The following ZNF469 variants were observed in gnomAD, a reference collection of about 807,000 sequenced individuals.
ZNF469 encodes the protein zinc finger protein 469.
In ZNF469, 1 loss-of-function variant was observed where a neutral mutation model predicts 1.0. The observed-to-expected ratio is 1.00, with a 90% CI of 0.35 to 4.73. ZNF469 has a LOEUF of 4.73. Among genes scored for constraint, ZNF469 ranks in the 30% most tolerant of loss-of-function variants. The pLI, the probability that ZNF469 is intolerant of heterozygous loss-of-function variation, is 0.16. For missense variants in ZNF469, 6,100 were observed against 5,356.3 expected (o/e 1.14, Z -4.33); for synonymous variants, 2,703 against 2,363.4 (o/e 1.14, Z -4.17).
the ZNF469 span, among the ~76,000 whole-genome samples, chr16:88,221,829 GCTTGTGGACA>G: frequency 6.6e-6 from 1 of 152,144 alleles, no homozygotes; most frequent in African/African-American, 2.4e-5. Context: ...ACTCTTCTCT[GCTTGTGGACA>G]CTTCAGTCCA....
At chr16:88,128,041 G>A in the ZNF469 span, among the ~76,000 whole-genome samples, 27,859 of 152,140 alleles carry the variant, frequency 0.18, 3,203 homozygotes, top group African/African-American at 0.33. Context: ...GGCTGTGCCC[G>A]TTTAGGTCTC....
chr16:88,411,353 G>A (rs974132936), intron 1 of ZNF469, among the ~76,000 whole-genome samples: 4 of 152,300 alleles, frequency 2.6e-5, no homozygotes, highest in South Asian at 4.1e-4. Context: ...CAGCCCCGGC[G>A]GGTGGTCCAG....
the ZNF469 span, among the ~76,000 whole-genome samples, chr16:88,107,572 C>T: frequency 2.7e-4 from 41 of 152,340 alleles, no homozygotes; most frequent in African/African-American, 8.7e-4. Context: ...CTGACCATGC[C>T]ACTGCCGTGC....
At chr16:88,242,997 G>A in the ZNF469 span, among the ~76,000 whole-genome samples, 3 of 152,242 alleles carry the variant, frequency 2.0e-5, no homozygotes, top group South Asian at 6.2e-4. Flanking sequence ...GGGAGACACT[G>A]ATGCGGTGGG....
chr16:88,110,876 C>G, the ZNF469 span, among the ~76,000 whole-genome samples: 1 of 152,252 alleles, frequency 6.6e-6, no homozygotes, highest in Admixed American at 6.5e-5. Flanking sequence ...AATGCGTCTG[C>G]AGCCGGGCTC....
the ZNF469 span, among the ~76,000 whole-genome samples, chr16:88,171,009 G>T: frequency 6.6e-6 from 1 of 152,086 alleles, no homozygotes; most frequent in Admixed American, 6.5e-5. Context: ...CTCACCCTAG[G>T]ACAACCTCTA....
the ZNF469 span, among the ~76,000 whole-genome samples, chr16:88,303,015 G>A: frequency 6.6e-6 from 1 of 152,230 alleles, no homozygotes; most frequent in African/African-American, 2.4e-5. Flanking sequence ...CCGGGTGCCA[G>A]TGTGGAGCAT....
the ZNF469 span, among the ~76,000 whole-genome samples, chr16:88,142,834 C>T: frequency 3.9e-5 from 6 of 152,298 alleles, no homozygotes; most frequent in Admixed American, 3.9e-4. Context: ...CCCAGCCCCA[C>T]CTGGATGTGC....
the ZNF469 span, chr16:88,302,328 C>T: frequency 1.3e-5 from 2 of 152,220 alleles, no homozygotes; most frequent in Non-Finnish European, 2.9e-5. Context: ...CTGAGTCTGG[C>T]CAATGGAGTC....
rs1246649952 is a variant in ZNF469, at chr16:88,434,738, C to G, written c.7268C>G (p.Pro2423Arg). Residue 2423 changes from proline to arginine, a missense_variant, in exon 3 of 3, where the codon CCC becomes CGC. Transcript: ENST00000565624. ...GCCAGTGACTTCCAGTCTGACTCCC[C>G]CCAAAGCCACAGAAATGCCTCCCAC... ...STASDFQSDS[P>R]QSHRNASHQT... 5.8e-6 allele frequency: 9 copies of G among 1,550,292 alleles called. No individual in the cohort carries two copies. The highest frequency in any genetic ancestry group is 2.0e-5 in the Admixed American group (1 of 50,990).
chr16:88,328,562 C>T, the ZNF469 span, among the ~76,000 whole-genome samples: 1 of 152,248 alleles, frequency 6.6e-6, no homozygotes, highest in African/African-American at 2.4e-5. Context: ...TGCACCTGGC[C>T]TGACATGGAT....
At chr16:88,135,098 C>G in the ZNF469 span, among the ~76,000 whole-genome samples, 1 of 152,204 alleles carries the variant, frequency 6.6e-6, no homozygotes, top group African/African-American at 2.4e-5. Flanking sequence ...CTCCTGACCA[C>G]CTGGGAAGAA....
the ZNF469 span, among the ~76,000 whole-genome samples, chr16:88,215,530 C>T: frequency 1.0e-3 from 155 of 151,458 alleles, 1 homozygote; most frequent in South Asian, 4.8e-3. Context: ...GCTGGGATTA[C>T]AGGCACCCAT....
At chr16:88,157,963 G>C in the ZNF469 span, among the ~76,000 whole-genome samples, 2 of 152,152 alleles carry the variant, frequency 1.3e-5, no homozygotes, top group African/African-American at 4.8e-5. Flanking sequence ...CTAAGACCTG[G>C]ATGCCACACG....
the ZNF469 span, among the ~76,000 whole-genome samples, chr16:88,205,447 G>T: frequency 6.6e-6 from 1 of 152,156 alleles, no homozygotes; most frequent in Non-Finnish European, 1.5e-5. The surrounding 1 kb of genome is among the most constrained non-coding windows in gnomAD (Gnocchi z 4.2). Context: ...CGTTTTTAAG[G>T]ATTCTAATCC....
chr16:88,396,721 G>A (rs1223425778), intron 1 of ZNF469, among the ~76,000 whole-genome samples: 2 of 150,166 alleles, frequency 1.3e-5, no homozygotes, highest in Non-Finnish European at 3.0e-5. Flanking sequence ...CCCTCCTGAA[G>A]GGAGGCCGGG....
the ZNF469 span, among the ~76,000 whole-genome samples, chr16:88,325,569 T>G: frequency 6.6e-6 from 1 of 152,164 alleles, no homozygotes; most frequent in Non-Finnish European, 1.5e-5. Flanking sequence ...GAAATGACAC[T>G]GATACCCACA....
At chr16:88,132,919 C>T in the ZNF469 span, among the ~76,000 whole-genome samples, 9 of 152,326 alleles carry the variant, frequency 5.9e-5, no homozygotes, top group African/African-American at 2.2e-4. Context: ...CACTGTGGAC[C>T]CCCGAGCTGA....
chr16:88,282,318 A>T, the ZNF469 span, among the ~76,000 whole-genome samples: 2 of 152,044 alleles, frequency 1.3e-5, no homozygotes, highest in African/African-American at 4.8e-5. Context: ...CAGGGTGAAA[A>T]GTGGGGTTTA....
Sources: allele counts gnomAD v4.1 joint callset (sites outside exome capture counted in the v4.1 genomes callset), GRCh38; gene constraint gnomAD v4.1.1; non-coding constraint Gnocchi (gnomAD v3.1); transcripts MANE v1.5; gene names NCBI Gene and HGNC (gene_info 2026-07-23, HGNC 2026-07-21).